The following ZNF430 variants were observed in gnomAD, a reference collection of about 807,000 sequenced individuals.
ZNF430 encodes the protein zinc finger protein 430.
Under a neutral mutation model 56.7 loss-of-function variants are expected in ZNF430, and 35 were observed. The observed-to-expected ratio is 0.62, with a 90% CI of 0.47 to 0.82. The LOEUF is 0.82. Among genes scored for constraint, ZNF430 ranks in the 40% least tolerant of loss-of-function variants. The probability of loss-of-function intolerance (pLI) is 0.00; values close to 1 mark genes in which losing one functional copy is unlikely to be tolerated. For synonymous variants in ZNF430, 212 were observed against 224.3 expected (o/e 0.94, Z 0.49); for missense variants, 574 against 661.0 (o/e 0.87, Z 1.44).
Position 21,057,412 on chromosome 19 carries a change from T to C in ZNF430, c.1104T>C (p.Ala368=). 3 of 1,613,584 alleles carry C rather than the reference T, an allele frequency of 1.9e-6. No individual in the cohort carries two copies. The highest frequency in any genetic ancestry group is 1.7e-4 in the Middle Eastern group (1 of 6,058). ...STLTTHKIIH[A]GEKPYKCEEC... ...TTACTACACATAAGATAATTCATGC[T>C]GGAGAGAAACCTTACAAATGTGAAG... is the stretch of plus-strand genomic sequence containing the variant. The change falls in exon 5 of 5, where the codon GCT becomes GCC. Residue 368 remains alanine (A), a synonymous_variant. Coordinates refer to ENST00000261560, the MANE Select transcript of ZNF430 (RefSeq NM_025189.4).
chr19:21,052,636 T>G (rs1253937742), intron 4 of ZNF430, among the ~76,000 whole-genome samples: 1 of 152,190 alleles, frequency 6.6e-6, no homozygotes, highest in Non-Finnish European at 1.5e-5. Flanking sequence ...TGACTTAAGA[T>G]GTAGCTTGTG....
chr19:21,020,959 G>A (rs1041300125), intron 1 of ZNF430, among the ~76,000 whole-genome samples, 156 bp downstream of exon 1: 18 of 152,310 alleles, frequency 1.2e-4, no homozygotes, highest in African/African-American at 4.3e-4. Flanking sequence ...TCAGCCTTAA[G>A]ATGGCGGCTG....
intron 4 of ZNF430, among the ~76,000 whole-genome samples, chr19:21,048,807 G>T (rs1160462018): frequency 6.6e-6 from 1 of 151,058 alleles, no homozygotes; most frequent in East Asian, 1.9e-4. Flanking sequence ...TGGCCGGGCG[G>T]GTGCTGGCCC....
At position 21,057,900 on chromosome 19, in the gene ZNF430, A is replaced by T. The variant is rs61744901; in HGVS notation, c.1592A>T (p.His531Leu). 6.2e-7 allele frequency: 1 copy of T among 1,614,006 alleles called. No individual in the cohort carries two copies. The highest frequency in any genetic ancestry group is 8.5e-7 in the Non-Finnish European group (1 of 1,179,938). Residue 531 changes from histidine to leucine, a missense_variant, in exon 5 of 5, where the codon CAT becomes CTT. Physicochemically the swap from His to Leu is moderately conservative, Grantham distance 99. This residue lies in a region of ZNF430 where 213 missense variants were observed against 221.0 expected (regional missense o/e 0.96). Coordinates refer to ENST00000261560, the MANE Select transcript of ZNF430 (RefSeq NM_025189.4). ...AGCCAGTCTTCAACTCTTACTAAACATAAGGTAATTCATACTGGAGAGAAA... is the reference window on the plus strand; with the variant it reads ...AGCCAGTCTTCAACTCTTACTAAACTTAAGGTAATTCATACTGGAGAGAAA... Reference protein sequence around the residue: ...AFSQSSTLTKHKVIHTGEKPY... With the variant: ...AFSQSSTLTKLKVIHTGEKPY...
intron 2 of ZNF430, among the ~76,000 whole-genome samples, chr19:21,030,817 T>G (rs1356765648): frequency 6.6e-6 from 1 of 151,966 alleles, no homozygotes; most frequent in Non-Finnish European, 1.5e-5. Flanking sequence ...AGTTTTAAGC[T>G]CATTAAAGTT....
At chr19:21,037,611 G>A (rs1968027683) in intron 4 of ZNF430, among the ~76,000 whole-genome samples, 1 of 152,162 alleles carries the variant, frequency 6.6e-6, no homozygotes, top group African/African-American at 2.4e-5. Context: ...GAGGATTGCT[G>A]TATTTGATGA....
intron 4 of ZNF430, among the ~76,000 whole-genome samples, chr19:21,056,029 G>A (rs1599510359): frequency 1.3e-5 from 2 of 152,348 alleles, no homozygotes; most frequent in East Asian, 3.9e-4. Flanking sequence ...AGCAGGAAGA[G>A]CTGTGTTGGG....
At chr19:21,037,370 G>A (rs973531838) in intron 4 of ZNF430, among the ~76,000 whole-genome samples, 6 of 152,076 alleles carry the variant, frequency 3.9e-5, no homozygotes, top group African/African-American at 9.6e-5. Flanking sequence ...TGCCATCCTC[G>A]GCCTCCCAAA....
intron 4 of ZNF430, chr19:21,049,518 C>T (rs1968245096): frequency 6.7e-6 from 1 of 150,278 alleles, no homozygotes; most frequent in African/African-American, 2.4e-5. Context: ...CTGTGTTTCT[C>T]AGACTGGATC....
chr19:21,027,517 A>G (rs1967826499), intron 2 of ZNF430, among the ~76,000 whole-genome samples: 1 of 151,964 alleles, frequency 6.6e-6, no homozygotes, highest in African/African-American at 2.4e-5. Flanking sequence ...TAGCTTTTTG[A>G]TGTTCTTCTG....
At chr19:21,023,951 C>G (rs1026746317) in intron 2 of ZNF430, among the ~76,000 whole-genome samples, 1 of 152,146 alleles carries the variant, frequency 6.6e-6, no homozygotes, top group Non-Finnish European at 1.5e-5. Flanking sequence ...GTATAAATTG[C>G]AAACACCTTA....
Position 21,022,842 on chromosome 19 carries a change from G to T in ZNF430, c.57G>T (p.Gly19=). 11 of 1,613,942 alleles carry T rather than the reference G, an allele frequency of 6.8e-6. No homozygotes were observed. The highest frequency in any genetic ancestry group is 9.3e-6 in the Non-Finnish European group (11 of 1,179,900). ...TCAAGGAAGCAAGTGGATGCCCTGG[G>T]GCTGACAGGAATCTTCTGGTGTACT... ...YPLKEASGCP[G]ADRNLLVYSF... is the part of the protein sequence containing the mutation. The change falls in exon 2 of 5, where the codon GGG becomes GGT. Residue 19 remains glycine (G), a synonymous_variant. Transcript: ENST00000261560.
At chr19:21,055,442 T>TGTTTG (rs36124944) in intron 4 of ZNF430, among the ~76,000 whole-genome samples, 2 of 151,648 alleles carry the variant, frequency 1.3e-5, no homozygotes, top group African/African-American at 4.8e-5. Flanking sequence ...TAGTTTTTTT[T>TGTTTG]TTTGTTTGTT....
chr19:21,038,162 G>A (rs1328998484), intron 4 of ZNF430, among the ~76,000 whole-genome samples: 1 of 151,632 alleles, frequency 6.6e-6, no homozygotes, highest in African/African-American at 2.4e-5. Context: ...TTTTTTCTAA[G>A]AGACTTATTA....
intron 4 of ZNF430, among the ~76,000 whole-genome samples, chr19:21,052,096 T>C (rs1270530258): frequency 6.6e-6 from 1 of 152,236 alleles, no homozygotes; most frequent in Non-Finnish European, 1.5e-5. Flanking sequence ...GAGAATGTGT[T>C]TAATATCTAT....
intron 2 of ZNF430, among the ~76,000 whole-genome samples, chr19:21,028,063 C>T (rs1252442562): frequency 6.6e-6 from 1 of 152,104 alleles, no homozygotes; most frequent in Non-Finnish European, 1.5e-5. Context: ...TGTGGTTGAT[C>T]CTACCTAGAA....
In ZNF430 at chr19:21,058,012, A is replaced by G. The variant is rs761782990; in HGVS notation, c.1704A>G (p.Leu568=). The G allele has an allele frequency of 1.2e-6, 2 of 1,610,818 alleles. No homozygotes were observed. The highest frequency in any genetic ancestry group is 2.7e-5 in the African/African-American group (2 of 74,744). Residue 568 remains leucine (L), a synonymous_variant, in exon 5 of 5, where the codon CTA becomes CTG. Coordinates refer to ENST00000261560, the MANE Select transcript of ZNF430 (RefSeq NM_025189.4). ...GTAATTCATACTGGAGAGAAACCCT[A>G]CAAATGTGAAGATTGTGGCAAAGCC... ...EQSNSYWRET[L]QM
intron 2 of ZNF430, among the ~76,000 whole-genome samples, chr19:21,026,687 C>T (rs1396302251): frequency 2.0e-5 from 3 of 152,084 alleles, no homozygotes; most frequent in Admixed American, 6.6e-5. Context: ...TATCCTGAAA[C>T]TTTGCTAAAG....
At chr19:21,043,369 A>G (rs1968139960) in intron 4 of ZNF430, among the ~76,000 whole-genome samples, 1 of 152,220 alleles carries the variant, frequency 6.6e-6, no homozygotes, top group African/African-American at 2.4e-5. Context: ...CATTCATTAA[A>G]TAGGGAGTTT....
Sources: allele counts gnomAD v4.1 joint callset (sites outside exome capture counted in the v4.1 genomes callset), GRCh38; gene constraint gnomAD v4.1.1; regional missense constraint gnomAD v4.1.1; transcripts MANE v1.5; gene names NCBI Gene and HGNC (gene_info 2026-07-23, HGNC 2026-07-21).